The following MSN variants were observed in gnomAD, a reference collection of about 807,000 sequenced individuals.
MSN encodes the protein epididymis luminal protein 70.
A neutral mutation model predicts 48.0 loss-of-function variants in MSN; 2 were observed. The observed-to-expected ratio is 0.04, with a 90% CI of 0.02 to 0.13. The LOEUF (loss-of-function observed/expected upper bound fraction) is 0.13. Ranked by LOEUF, MSN falls within the 10% of genes least tolerant of loss-of-function variation. The pLI, the probability that MSN is intolerant of heterozygous loss-of-function variation, is 1.00. For missense variants in MSN, 267 were observed against 470.1 expected (o/e 0.57, Z 3.99); for synonymous variants, 146 against 166.9 (o/e 0.87, Z 0.97).
chrX:65,595,856 C>A (rs1180680202), intron 1 of MSN, among the ~76,000 whole-genome samples: 1 of 112,232 alleles, frequency 8.9e-6, no homozygotes, highest in African/African-American at 3.2e-5. Flanking sequence ...GCAGTTAGGG[C>A]TAGAATCCAC....
intron 1 of MSN, among the ~76,000 whole-genome samples, chrX:65,638,462 G>A (rs1700881782): frequency 8.9e-6 from 1 of 112,789 alleles, no homozygotes; most frequent in South Asian, 3.6e-4. Context: ...GAAGGACTAG[G>A]AATTATTGAT....
chrX:65,732,063 A>T, intron 6 of MSN, 79 bp downstream of exon 6: 1 of 1,039,093 alleles, frequency 9.6e-7, no homozygotes, highest in Non-Finnish European at 1.3e-6. Context: ...GCAGGGCCAT[A>T]TCTCTTGGGT....
chrX:65,650,705 T>C (rs1011762617), intron 1 of MSN, among the ~76,000 whole-genome samples: 5 of 112,481 alleles, frequency 4.4e-5, no homozygotes, highest in African/African-American at 1.6e-4. Flanking sequence ...GGGAGTGTAA[T>C]AGTTTACCAT....
At chrX:65,729,112 C>T (rs188181614) in intron 3 of MSN, among the ~76,000 whole-genome samples, 56 of 111,778 alleles carry the variant, frequency 5.0e-4, no homozygotes, top group Non-Finnish European at 9.0e-4. Context: ...ACTTATAAGA[C>T]GAGCTTAAAA....
At chrX:65,623,277 A>G (rs2070469389) in intron 1 of MSN, among the ~76,000 whole-genome samples, 1 of 109,104 alleles carries the variant, frequency 9.2e-6, no homozygotes, top group Non-Finnish European at 1.9e-5. Context: ...TCAAAGAATG[A>G]GTTAGAAAGT....
intron 1 of MSN, among the ~76,000 whole-genome samples, chrX:65,643,414 T>C (rs1194910160): frequency 9.1e-6 from 1 of 109,449 alleles, no homozygotes; most frequent in African/African-American, 3.3e-5. Context: ...GAGGAGACGT[T>C]TGGGGAGGGG....
chrX:65,716,386 A>G, intron 1 of MSN: 1 of 191,548 alleles, frequency 5.2e-6, no homozygotes. Flanking sequence ...AGTGATTCTC[A>G]TACCCCAGCC....
Position 65,703,571 on chromosome X carries a change from GT to G in MSN, c.13-13238del, listed in dbSNP as rs1007326847. 1.6e-4 allele frequency among the ~76,000 whole-genome samples: 17 copies of G among 108,517 alleles called. No individual in the cohort carries two copies. The South Asian group carries it at 4.4e-3, about 28-fold the overall frequency. 94.2% of individuals were successfully genotyped at this position (108,517 alleles called of 115,157 possible). A position where few individuals can be genotyped will look rare whatever the true frequency, so the allele number is the denominator to read the frequency against. ...TGAAAACAGAGGTTTTTTGTTTTTT[GT>G]TTTTTTTTGACAGGATCTCTCTCTG... is the stretch of plus-strand genomic sequence containing the variant. On this transcript the variant is annotated intron_variant, in intron 1 of 12. Transcript: ENST00000360270.
At chrX:65,657,401 C>T (rs1339283102) in intron 1 of MSN, among the ~76,000 whole-genome samples, 1 of 110,173 alleles carries the variant, frequency 9.1e-6, no homozygotes, top group East Asian at 2.9e-4. Context: ...TGTTTTCTCT[C>T]TGGGCACATG....
At chrX:65,699,250 C>T (rs953291891) in intron 1 of MSN, among the ~76,000 whole-genome samples, 2 of 111,747 alleles carry the variant, frequency 1.8e-5, no homozygotes, top group African/African-American at 6.5e-5. Flanking sequence ...AGTAAATATC[C>T]GAAGTTTACT....
chrX:65,645,770 G>C (rs1158889485), intron 1 of MSN, among the ~76,000 whole-genome samples: 2 of 111,032 alleles, frequency 1.8e-5, no homozygotes, highest in African/African-American at 3.3e-5. Flanking sequence ...ATGGTTCATG[G>C]GTACCTCAAA....
intron 2 of MSN, among the ~76,000 whole-genome samples, chrX:65,724,369 C>T (rs1453731878): frequency 1.8e-5 from 2 of 111,385 alleles, no homozygotes; most frequent in East Asian, 5.7e-4. Flanking sequence ...GTCTTGAACT[C>T]CTGACCTCAG....
At chrX:65,639,698 T>C (rs937243242) in intron 1 of MSN, among the ~76,000 whole-genome samples, 1 of 111,379 alleles carries the variant, frequency 9.0e-6, no homozygotes, top group Admixed American at 9.6e-5. Context: ...TCCTCCTTAG[T>C]ACAGGGATTC....
intron 12 of MSN, 118 bp from the exon 13 acceptor site, chrX:65,739,611 A>G: frequency 1.2e-6 from 1 of 810,951 alleles, no homozygotes; most frequent in Admixed American, 3.6e-5. Context: ...ATATTTATAT[A>G]TAGAGAGAAA....
intron 6 of MSN, 95 bp from the exon 7 acceptor site, chrX:65,733,089 A>G (rs2071639687): frequency 1.8e-6 from 1 of 559,992 alleles, no homozygotes; most frequent in Non-Finnish European, 2.9e-6. Flanking sequence ...AGAGAGACAT[A>G]GAAGCTTGGA....
At chrX:65,675,508 G>A (rs2070988822) in intron 1 of MSN, among the ~76,000 whole-genome samples, 1 of 111,387 alleles carries the variant, frequency 9.0e-6, no homozygotes, top group Non-Finnish European at 1.9e-5. Context: ...ACTGATTCAA[G>A]GGGAGCCACA....
chrX:65,615,720 T>C (rs1410841233), intron 1 of MSN, among the ~76,000 whole-genome samples: 14 of 109,288 alleles, frequency 1.3e-4, no homozygotes, highest in African/African-American at 4.7e-4. Flanking sequence ...TTAGATCCCA[T>C]TTGTCAATTT....
intron 2 of MSN, among the ~76,000 whole-genome samples, chrX:65,720,345 A>G (rs2071504913): frequency 8.9e-6 from 1 of 112,229 alleles, no homozygotes; most frequent in Admixed American, 9.5e-5. Flanking sequence ...CTCAAGGAAG[A>G]TATGCTTTCT....
intron 1 of MSN, among the ~76,000 whole-genome samples, chrX:65,701,759 C>G (rs1013079082): frequency 8.9e-6 from 1 of 111,941 alleles, no homozygotes; most frequent in Non-Finnish European, 1.9e-5. Context: ...TATTGGTAGA[C>G]CTGGATCTTG....
Sources: gnomAD v4.1 joint callset for allele counts (sites outside exome capture counted in the v4.1 genomes callset) on GRCh38, gnomAD v4.1.1 for gene constraint, MANE v1.5 for transcripts, NCBI Gene and HGNC (gene_info 2026-07-23, HGNC 2026-07-21) for gene names.